Variants in MTMR7 observed in about 807,000 individuals in gnomAD.
MTMR7 encodes the protein myotubularin related protein 7.
MTMR7 carries 76 observed loss-of-function variants against 81.2 expected under a neutral mutation model. The ratio of observed to expected loss-of-function variants is 0.94; its 90% CI spans 0.78 to 1.13. The LOEUF (loss-of-function observed/expected upper bound fraction) is 1.13, where lower values mean the gene tolerates loss of function less well. Ranked by LOEUF, MTMR7 falls within the 50% of genes most tolerant of loss-of-function variation. The pLI, the probability that MTMR7 is intolerant of heterozygous loss-of-function variation, is 0.00. For synonymous variants in MTMR7, 372 were observed against 289.8 expected (o/e 1.28, Z -2.88); for missense variants, 1,044 against 820.0 (o/e 1.27, Z -3.34).
intron 7 of MTMR7, among the ~76,000 whole-genome samples, chr8:17,324,245 C>G (rs1317669732): frequency 6.6e-6 from 1 of 152,226 alleles, no homozygotes; most frequent in Non-Finnish European, 1.5e-5. Context: ...AGAACACTCT[C>G]AGTAACTGTC....
intron 1 of MTMR7, among the ~76,000 whole-genome samples, chr8:17,398,473 T>A (rs113232098): frequency 1.2e-3 from 183 of 152,184 alleles, no homozygotes; most frequent in African/African-American, 4.1e-3. Context: ...ATTAGTGAGC[T>A]TGAAGACAAG....
At chr8:17,316,479 A>T (rs1281710061) in intron 7 of MTMR7, among the ~76,000 whole-genome samples, 2 of 140,652 alleles carry the variant, frequency 1.4e-5, no homozygotes, top group Non-Finnish European at 3.1e-5. Context: ...AAAAAAAAAA[A>T]CCTTTCTACA....
chr8:17,375,444 A>G (rs1820554195), intron 1 of MTMR7, among the ~76,000 whole-genome samples: 1 of 151,818 alleles, frequency 6.6e-6, no homozygotes, highest in South Asian at 2.1e-4. Context: ...TTAAAGGCAT[A>G]CATTCGACAA....
At chr8:17,405,957 GCA>G (rs1821570947) in intron 1 of MTMR7, among the ~76,000 whole-genome samples, 1 of 151,038 alleles carries the variant, frequency 6.6e-6, no homozygotes, top group Non-Finnish European at 1.5e-5. Context: ...TATATACACA[GCA>G]TTTTTTCTGG....
chr8:17,302,269 C>T lies in MTMR7; in HGVS notation c.1505G>A (p.Gly502Glu), dbSNP rs1309661359. The part of the protein sequence containing the change: ...PCNFMYKFWS[G>E]MYNRFEKGMQ... Reference sequence around the variant, plus strand: ...CCCCTTTTCAAAGCGGTTATACATTCCACTCCAAAACCTGGAAAGGATGGC... The same window carrying T: ...CCCCTTTTCAAAGCGGTTATACATTTCACTCCAAAACCTGGAAAGGATGGC... Residue 502 changes from glycine (G) to glutamate (E), a missense_variant, in exon 13 of 14, where the codon GGA becomes GAA. Coordinates refer to ENST00000180173, the MANE Select transcript of MTMR7 (RefSeq NM_004686.5). 3.1e-6 allele frequency: 5 copies of T among 1,613,120 alleles called. No individual in the cohort carries two copies. In the East Asian group the frequency reaches 6.7e-5, roughly 22 times the overall value.
chr8:17,303,578 C>A (rs1181157529), intron 12 of MTMR7, among the ~76,000 whole-genome samples: 1 of 151,354 alleles, frequency 6.6e-6, no homozygotes, highest in Non-Finnish European at 1.5e-5. Flanking sequence ...AGGATGCCAC[C>A]CTGCTCTCCC....
chr8:17,410,863 T>C (rs1821718320), intron 1 of MTMR7, among the ~76,000 whole-genome samples: 1 of 152,164 alleles, frequency 6.6e-6, no homozygotes, highest in Admixed American at 6.5e-5. Flanking sequence ...ATTCTTTTCC[T>C]CTTAAAACTC....
At chr8:17,407,567 A>G (rs1821623915) in intron 1 of MTMR7, among the ~76,000 whole-genome samples, 2 of 151,880 alleles carry the variant, frequency 1.3e-5, no homozygotes, top group African/African-American at 4.8e-5. Flanking sequence ...AAAATGGGGA[A>G]GTGGTAAATA....
rs1364547451 is a variant in MTMR7 at position 17,297,473 on chromosome 8, T to C, written c.*2389A>G. ...GCTCTTAAAGAATAAAAATTTATTCTATGGTTTCTGTCTCTGATCATCACC... is the reference window on the plus strand; with the variant it reads ...GCTCTTAAAGAATAAAAATTTATTCCATGGTTTCTGTCTCTGATCATCACC... On this transcript the variant is annotated 3_prime_UTR_variant, in exon 14 of 14. Coordinates refer to ENST00000180173, the MANE Select transcript of MTMR7 (RefSeq NM_004686.5). 1 of 152,080 alleles carries C rather than the reference T, an allele frequency of 6.6e-6. No homozygotes were observed. 9.4% of individuals were successfully genotyped at this position (152,080 alleles called of 1,614,324 possible).
At chr8:17,317,979 G>A (rs545686909) in intron 7 of MTMR7, among the ~76,000 whole-genome samples, 13 of 152,036 alleles carry the variant, frequency 8.6e-5, no homozygotes, top group African/African-American at 3.1e-4. Flanking sequence ...TATATGTTGT[G>A]TTTAACTGGA....
chr8:17,340,885 A>G (rs1444059526), intron 6 of MTMR7, among the ~76,000 whole-genome samples: 1 of 152,156 alleles, frequency 6.6e-6, no homozygotes, highest in South Asian at 2.1e-4. Context: ...TATGAAAAAA[A>G]TATTTTTTAA....
In MTMR7 at chr8:17,300,052, T is replaced by G; in HGVS notation, c.1793A>C (p.Asp598Ala). Residue 598 changes from aspartate (D) to alanine (A), a missense_variant, in exon 14 of 14, where the codon GAT (aspartate) becomes GCT (alanine). Transcript: ENST00000180173. Reference sequence around the variant, plus strand: ...GGTTAGAATCAGAGCAGAATCTTCATCGCCTTGTGAAGGGCTCCGGGATGG... The same window carrying G: ...GGTTAGAATCAGAGCAGAATCTTCAGCGCCTTGTGAAGGGCTCCGGGATGG... Reference protein sequence around the residue: ...SFPSRSPSQGDEDSALILTQD... With the variant: ...SFPSRSPSQGAEDSALILTQD... 6.2e-7 allele frequency: 1 copy of G among 1,614,142 alleles called. No homozygotes were observed. The highest frequency in any genetic ancestry group is 8.5e-7 in the Non-Finnish European group (1 of 1,180,008).
chr8:17,383,028 G>T (rs932325138), intron 1 of MTMR7, among the ~76,000 whole-genome samples: 2 of 124,182 alleles, frequency 1.6e-5, no homozygotes, highest in South Asian at 2.2e-4. Context: ...CCGAGATATG[G>T]GGGGGCCGGG....
intron 5 of MTMR7, among the ~76,000 whole-genome samples, chr8:17,346,393 G>C (rs186980722): frequency 8.1e-4 from 123 of 152,184 alleles, no homozygotes; most frequent in African/African-American, 2.8e-3. Flanking sequence ...TAGAGCTTCA[G>C]GTTGTTTCTG....
At chr8:17,405,475 T>A (rs1349394049) in intron 1 of MTMR7, among the ~76,000 whole-genome samples, 1 of 152,180 alleles carries the variant, frequency 6.6e-6, no homozygotes, top group Non-Finnish European at 1.5e-5. Flanking sequence ...TGAGGAACTT[T>A]AGAGACTCAG....
intron 7 of MTMR7, among the ~76,000 whole-genome samples, chr8:17,320,736 A>G (rs1818342458): frequency 6.6e-6 from 1 of 152,188 alleles, no homozygotes; most frequent in Non-Finnish European, 1.5e-5. Flanking sequence ...CAGCAATACC[A>G]GACAGGCCCT....
chr8:17,297,390 A>G lies in MTMR7; in HGVS notation c.*2472T>C, dbSNP rs535159789. On this transcript the variant is annotated 3_prime_UTR_variant, in exon 14 of 14. Coordinates refer to ENST00000180173, the MANE Select transcript of MTMR7 (RefSeq NM_004686.5). ...AATAGAGGGTGCTTGACACATATAT[A>G]TGCTTAAATTGAAGGACAGCTCAGA... is the stretch of plus-strand genomic sequence containing the variant. 5.3e-5 allele frequency: 8 copies of G among 152,248 alleles called. No individual in the cohort carries two copies. In the East Asian group the frequency reaches 1.5e-3, roughly 29 times the overall value. 9.4% of individuals were successfully genotyped at this position (152,248 alleles called of 1,614,324 possible). A position where few individuals can be genotyped will look rare whatever the true frequency, so the allele number is the denominator to read the frequency against.
At chr8:17,384,366 G>A (rs1001665029) in intron 1 of MTMR7, among the ~76,000 whole-genome samples, 2 of 152,078 alleles carry the variant, frequency 1.3e-5, no homozygotes, top group Admixed American at 6.6e-5. Context: ...AGACATGATC[G>A]TGCCACTGCC....
chr8:17,412,780 C>G (rs13266122), intron 1 of MTMR7, among the ~76,000 whole-genome samples: 1 of 152,034 alleles, frequency 6.6e-6, no homozygotes, highest in Non-Finnish European at 1.5e-5. Flanking sequence ...GATGAGGATG[C>G]TGACTGGGAA....
Sources: gnomAD v4.1 joint callset for allele counts (sites outside exome capture counted in the v4.1 genomes callset) on GRCh38, gnomAD v4.1.1 for gene constraint, MANE v1.5 for transcripts, NCBI Gene and HGNC (gene_info 2026-07-23, HGNC 2026-07-21) for gene names.